The following ANO7 variants were observed in gnomAD, a reference collection of about 807,000 sequenced individuals.
ANO7 encodes anoctamin 7.
In ANO7, 114 loss-of-function variants were observed where a neutral mutation model predicts 115.8. The observed-to-expected ratio is 0.98, with a 90% CI of 0.85 to 1.15. ANO7 has a LOEUF of 1.15. Among genes scored for constraint, ANO7 ranks in the 50% most tolerant of loss-of-function variants. ANO7 has a pLI of 0.00. For synonymous variants in ANO7, 550 were observed against 498.2 expected, an observed-to-expected ratio of 1.10 and a Z score of -1.38; for missense variants, 1,302 against 1,201.2, an observed-to-expected ratio of 1.08 and a Z score of -1.24.
chr2:241,235,300 C>A, the ANO7 span: 2 of 1,613,486 alleles, frequency 1.2e-6, no homozygotes, highest in Non-Finnish European at 1.7e-6. Context: ...CCCCAGAGAA[C>A]AGGAAAGAGT....
At chr2:241,205,303 C>G (rs549864583) in intron 10 of ANO7, among the ~76,000 whole-genome samples, 1 of 147,666 alleles carries the variant, frequency 6.8e-6, no homozygotes, top group Admixed American at 6.7e-5. Context: ...GGAGTGCTCC[C>G]AGGCTGGCAC....
At chr2:241,202,668 G>A (rs756260527) in intron 8 of ANO7, among the ~76,000 whole-genome samples, 7 of 152,214 alleles carry the variant, frequency 4.6e-5, no homozygotes, top group African/African-American at 7.2e-5. Flanking sequence ...ATGCCAAAGC[G>A]GGCACTGACC....
In ANO7 at chr2:241,217,730, C is replaced by T; in HGVS notation, c.2017C>T (p.Leu673Phe). The change falls in exon 20 of 25, where the codon CTC becomes TTC. Residue 673 changes from leucine (L) to phenylalanine (F), a missense_variant. Leu to Phe is a conservative substitution (Grantham distance 22). Transcript: ENST00000674324. Reference sequence around the variant, plus strand: ...CACCATCTTCGTGGCCGCCTGTCCGCTCGCGCCGCTCTTCGCCCTGCTCAA... The same window carrying T: ...CACCATCTTCGTGGCCGCCTGTCCGTTCGCGCCGCTCTTCGCCCTGCTCAA... ...FVTIFVAACP[L>F]APLFALLNNW... is the part of the protein sequence containing the mutation. 1.2e-6 allele frequency: 2 copies of T among 1,601,820 alleles called. No individual in the cohort carries two copies. Among genetic ancestry groups the T allele is most frequent in the Non-Finnish European group, 1.7e-6 (2 of 1,174,804 alleles).
chr2:241,212,913 G>A (rs538744831), intron 17 of ANO7: 9 of 425,882 alleles, frequency 2.1e-5, no homozygotes, highest in Middle Eastern at 1.4e-3. Flanking sequence ...GAGGAGGATC[G>A]CTTAAGCCCA....
chr2:241,189,300 G>A (rs571775417), intron 1 of ANO7, among the ~76,000 whole-genome samples: 4 of 152,302 alleles, frequency 2.6e-5, no homozygotes, highest in South Asian at 2.1e-4. Context: ...AATGTGAAGT[G>A]AAGGGTAGAA....
At position 241,211,314 on chromosome 2, in the gene ANO7, C is replaced by G. The variant is rs1345733342; in HGVS notation, c.1561+744C>G. ...AGCCACCTCTCAGTTCTTCCCTCCCCCTTCCTCTCCCATCGGTCTTTTTCT... is the reference window on the plus strand; with the variant it reads ...AGCCACCTCTCAGTTCTTCCCTCCCGCTTCCTCTCCCATCGGTCTTTTTCT... On this transcript the variant is annotated intron_variant, in intron 15 of 24. Transcript: ENST00000674324. Among the ~76,000 whole-genome samples, 4 of 100,570 alleles carry G rather than the reference C, an allele frequency of 4.0e-5. No homozygotes were observed. In the South Asian group the frequency reaches 7.8e-4, roughly 20 times the overall value. 66.0% of individuals were successfully genotyped at this position (100,570 alleles called of 152,430 possible).
chr2:241,239,215 C>A, the ANO7 span, among the ~76,000 whole-genome samples: 1 of 152,160 alleles, frequency 6.6e-6, no homozygotes, highest in Non-Finnish European at 1.5e-5. The surrounding 1 kb of genome is among the most constrained non-coding windows in gnomAD (Gnocchi z 4.6). Flanking sequence ...CACGTGGATG[C>A]CCTCAAATCG....
rs1559445149 is a variant in ANO7, at chr2:241,203,145, C to T, written c.724-188C>T. On this transcript the variant is annotated intron_variant, in intron 8 of 24. Coordinates refer to ENST00000674324, the MANE Select transcript of ANO7 (RefSeq NM_001370694.2). The surrounding 1 kb of genome is among the most constrained non-coding windows in gnomAD (Gnocchi z 4.8). ...AGAGGGGCCTCACCACATATGTCCC[C>T]TCCTCAGAGAGGTCCTCCCGGACCA... 6.6e-6 allele frequency among the ~76,000 whole-genome samples: 1 copy of T among 152,168 alleles called. No individual in the cohort carries two copies. The highest frequency in any genetic ancestry group is 6.5e-5 in the Admixed American group (1 of 15,290).
the ANO7 span, among the ~76,000 whole-genome samples, chr2:241,232,864 G>A: frequency 1.3e-5 from 2 of 150,644 alleles, no homozygotes; most frequent in Non-Finnish European, 3.0e-5. Flanking sequence ...ATTAAAAAAT[G>A]TATGTGGGGA....
chr2:241,210,266 G>C, intron 13 of ANO7, 29 bp from the exon 14 acceptor site: 1 of 1,607,796 alleles, frequency 6.2e-7, no homozygotes, highest in Non-Finnish European at 8.5e-7. Flanking sequence ...ACACCGTGAA[G>C]GGTCTCACGG....
chr2:241,236,160 C>T, the ANO7 span: 19 of 202,000 alleles, frequency 9.4e-5, no homozygotes, highest in Admixed American at 3.2e-4. Context: ...TCCACGGCAA[C>T]GTGAGAACTA....
chr2:241,206,442 T>A (rs1363623425), intron 10 of ANO7, among the ~76,000 whole-genome samples: 4 of 19,986 alleles, frequency 2.0e-4, no homozygotes, highest in African/African-American at 8.7e-4. Flanking sequence ...GCTCCCAGCC[T>A]GACACAGGTG....
chr2:241,213,792 T>C (rs538470429), intron 17 of ANO7, among the ~76,000 whole-genome samples: 1 of 152,260 alleles, frequency 6.6e-6, no homozygotes, highest in African/African-American at 2.4e-5. Flanking sequence ...GGAGAGAAAC[T>C]TCGCATGGGG....
chr2:241,195,216 T>C (rs547928003), intron 3 of ANO7, among the ~76,000 whole-genome samples: 1 of 152,000 alleles, frequency 6.6e-6, no homozygotes, highest in Admixed American at 6.6e-5. Context: ...CAGGAGGAAG[T>C]GAAGGGAAGG....
At chr2:241,230,258 G>T (rs1194453697), downstream of ANO7, 1 of 1,588,534 alleles carries the variant, frequency 6.3e-7, no homozygotes, top group Non-Finnish European at 8.6e-7. The surrounding 1 kb of genome is among the most constrained non-coding windows in gnomAD (Gnocchi z 5.0). Context: ...TCTGTGGGAA[G>T]CGAATGTCCA....
intron 11 of ANO7, 68 bp from the exon 12 acceptor site, chr2:241,209,217 G>A (rs2068661678): frequency 6.8e-7 from 1 of 1,475,478 alleles, no homozygotes; most frequent in African/African-American, 1.4e-5. Flanking sequence ...CCAGGAGGAA[G>A]GAACACTGGA....
chr2:241,235,267 G>A, the ANO7 span: 3 of 1,614,160 alleles, frequency 1.9e-6, no homozygotes, highest in African/African-American at 1.3e-5. Context: ...TACGTGAAGA[G>A]GGGGCTGACT....
chr2:241,194,407 T>G (rs965912499), intron 3 of ANO7, among the ~76,000 whole-genome samples: 1 of 151,240 alleles, frequency 6.6e-6, no homozygotes, highest in African/African-American at 2.4e-5. Context: ...CTCCGTCTCC[T>G]GGGTTCACAC....
the ANO7 span, among the ~76,000 whole-genome samples, chr2:241,239,062 G>A: frequency 6.6e-6 from 1 of 152,196 alleles, no homozygotes; most frequent in Admixed American, 6.5e-5. This position sits in a 1 kb window ranked among gnomAD's most constrained non-coding sequence, Gnocchi z 4.6. Flanking sequence ...ACCTCCTGGG[G>A]TAGCCTCTGA....
Sources: gnomAD v4.1 joint callset for allele counts (sites outside exome capture counted in the v4.1 genomes callset) on GRCh38, gnomAD v4.1.1 for gene constraint, Gnocchi (gnomAD v3.1) non-coding constraint, MANE v1.5 for transcripts, NCBI Gene and HGNC (gene_info 2026-07-23, HGNC 2026-07-21) for gene names.